Variants in CEP162 observed in about 807,000 individuals in gnomAD.
CEP162 encodes the protein centrosomal protein of 162 kDa.
Under a neutral mutation model 169.2 loss-of-function variants are expected in CEP162, and 141 were observed. That is an observed-to-expected ratio of 0.83 (90% CI 0.73 to 0.96). The LOEUF (loss-of-function observed/expected upper bound fraction) is 0.96. CEP162 is among the 40% of genes least tolerant of loss of function. The pLI, the probability that CEP162 is intolerant of heterozygous loss-of-function variation, is 0.00. For synonymous variants in CEP162, 540 were observed against 526.4 expected (o/e 1.03, Z -0.35); for missense variants, 1,600 against 1,587.2 (o/e 1.01, Z -0.14).
chr6:84,161,957 T>C (rs1386928985), intron 19 of CEP162, 48 bp from the exon 20 acceptor site: 2 of 1,170,414 alleles, frequency 1.7e-6, no homozygotes, highest in South Asian at 2.9e-5. Flanking sequence ...CTCCAAAATA[T>C]GGAAATAAAC....
rs577874673 is a variant in CEP162, at chr6:84,211,051, C to T, written c.571+1906G>A. On this transcript the variant is annotated intron_variant, in intron 6 of 26. Transcript: ENST00000403245. ...AAAAAATTACTAGACTTCTAAGAGG[C>T]AGGAAAAAGTGTCACGAAACTAAAT... is the stretch of plus-strand genomic sequence containing the variant. 3.3e-5 allele frequency among the ~76,000 whole-genome samples: 5 copies of T among 151,702 alleles called. No individual in the cohort carries two copies. In the East Asian group the frequency reaches 9.7e-4, roughly 29 times the overall value.
At chr6:84,140,487 C>A (rs1313603393) in intron 25 of CEP162, among the ~76,000 whole-genome samples, 1 of 152,008 alleles carries the variant, frequency 6.6e-6, no homozygotes, top group East Asian at 1.9e-4. Context: ...TTTGAGGAAG[C>A]CTCCGGCAAC....
intron 11 of CEP162, among the ~76,000 whole-genome samples, chr6:84,187,859 T>C (rs116207498): frequency 0.022 from 3,335 of 152,244 alleles, 124 homozygotes; most frequent in African/African-American, 0.076. Context: ...TTTAACAAGA[T>C]ATTACCAAAA....
At chr6:84,154,132 G>A (rs868571280) in intron 22 of CEP162, among the ~76,000 whole-genome samples, 2 of 152,108 alleles carry the variant, frequency 1.3e-5, no homozygotes, top group African/African-American at 2.4e-5. Context: ...AGTAAGCAAA[G>A]GCAGGAGTGG....
chr6:84,187,128 A>G lies in CEP162; in HGVS notation c.1110-505T>C, dbSNP rs561646841. ...ATATATTTAATCACAGTATAGGAAA[A>G]ATTTTAATGTAAAACAGAAAAATCA... is the stretch of plus-strand genomic sequence containing the variant. On this transcript the variant is annotated intron_variant, in intron 11 of 26. Coordinates refer to ENST00000403245, the MANE Select transcript of CEP162 (RefSeq NM_014895.4). Among the ~76,000 whole-genome samples, 4 of 152,310 alleles carry G rather than the reference A, an allele frequency of 2.6e-5. No homozygotes were observed. In the East Asian group the frequency reaches 7.7e-4, roughly 29 times the overall value.
At chr6:84,170,896 A>T (rs1397966081) in intron 17 of CEP162, among the ~76,000 whole-genome samples, 1 of 152,154 alleles carries the variant, frequency 6.6e-6, no homozygotes, top group Non-Finnish European at 1.5e-5. Context: ...TGCTGGCTGA[A>T]AACAACTTAC....
intron 25 of CEP162, among the ~76,000 whole-genome samples, chr6:84,138,959 T>C (rs1434624783): frequency 6.6e-6 from 1 of 152,228 alleles, no homozygotes; most frequent in Admixed American, 6.5e-5. Context: ...TGTTTTTACA[T>C]TGATCTTTTC....
intron 3 of CEP162, among the ~76,000 whole-genome samples, chr6:84,217,044 C>T (rs2099551842): frequency 1.3e-5 from 2 of 151,926 alleles, no homozygotes; most frequent in Non-Finnish European, 2.9e-5. Context: ...ATTGTTAGTG[C>T]CAGCTATACA....
At chr6:84,133,479 C>A (rs1395431960) in intron 25 of CEP162, among the ~76,000 whole-genome samples, 1 of 152,190 alleles carries the variant, frequency 6.6e-6, no homozygotes. Context: ...TAGAGGCAGG[C>A]AGGCTGGCCT....
rs1262200894 is a variant in CEP162, at chr6:84,155,365, A to G, written c.2927T>C (p.Leu976Pro). The part of the protein sequence containing the change: ...EKRIKKLEAD[L>P]EGKDEDAKKS... ...CTTTGCATCTTCATCTTTGCCCTCC[A>G]GATCAGCTTCTAGCTTTTTTATCCT... is the stretch of plus-strand genomic sequence containing the variant. The change falls in exon 22 of 27, where the codon CTG becomes CCG. Residue 976 changes from leucine (L) to proline (P), a missense_variant. Leu to Pro is a moderately conservative substitution (Grantham distance 98). Transcript: ENST00000403245. 2 of 1,613,712 alleles carry G rather than the reference A, an allele frequency of 1.2e-6. No homozygotes were observed. Among genetic ancestry groups the G allele is most frequent in the East Asian group, 2.2e-5 (1 of 44,848 alleles).
intron 8 of CEP162, among the ~76,000 whole-genome samples, chr6:84,201,451 G>A (rs2099544479): frequency 6.6e-6 from 1 of 151,786 alleles, no homozygotes; most frequent in Admixed American, 6.6e-5. Context: ...TTCTTCCGAT[G>A]TAGAAGACAG....
At position 84,221,054 on chromosome 6, in the gene CEP162, T is replaced by G. The variant is rs1466377837; in HGVS notation, c.172+3A>C. The G allele has an allele frequency of 1.3e-6, 2 of 1,488,994 alleles. No homozygotes were observed. The highest frequency in any genetic ancestry group is 1.9e-6 in the Non-Finnish European group (2 of 1,069,422). 92.2% of individuals were successfully genotyped at this position (1,488,994 alleles called of 1,614,324 possible). A position where few individuals can be genotyped will look rare whatever the true frequency, so the allele number is the denominator to read the frequency against. Reference sequence around the variant, plus strand: ...TTTGAAACTAAAAATCAGCAACATTTACCATCATCTTTAAAATCATCTTCA... The same window carrying G: ...TTTGAAACTAAAAATCAGCAACATTGACCATCATCTTTAAAATCATCTTCA... On this transcript the variant is annotated splice_donor_region_variant and intron_variant, in intron 3 of 26. Coordinates refer to ENST00000403245, the MANE Select transcript of CEP162 (RefSeq NM_014895.4).
chr6:84,169,909 T>C (rs1482548784), intron 17 of CEP162, among the ~76,000 whole-genome samples: 4 of 152,180 alleles, frequency 2.6e-5, no homozygotes, highest in African/African-American at 7.2e-5. Context: ...AGAAGGAGTT[T>C]TGGATTCCAC....
At chr6:84,203,822 A>G (rs1179938214) in intron 7 of CEP162, among the ~76,000 whole-genome samples, 159 bp downstream of exon 7, 1 of 152,128 alleles carries the variant, frequency 6.6e-6, no homozygotes, top group Non-Finnish European at 1.5e-5. Context: ...TAATATCTTG[A>G]GTTAAGAAAA....
At position 84,222,825 on chromosome 6, in the gene CEP162, C is replaced by T. The variant is rs116810254; in HGVS notation, c.58-1654G>A. ...ACTTGCCAAACAAAAAACTCTACCTCAGTGACTTGAAGAATGTCAATTTAA... is the reference window on the plus strand; with the variant it reads ...ACTTGCCAAACAAAAAACTCTACCTTAGTGACTTGAAGAATGTCAATTTAA... On this transcript the variant is annotated intron_variant, in intron 2 of 26. Transcript: ENST00000403245. Among the ~76,000 whole-genome samples, 525 of 152,350 alleles carry T rather than the reference C, an allele frequency of 3.4e-3. 3 individuals carry two copies. The highest frequency in any genetic ancestry group is 0.012 in the African/African-American group (483 of 41,578).
chr6:84,204,901 G>A (rs978113440), intron 6 of CEP162, among the ~76,000 whole-genome samples: 5 of 152,194 alleles, frequency 3.3e-5, no homozygotes, highest in East Asian at 1.9e-4. Context: ...TATCACCACC[G>A]ATCCCACAGA....
At chr6:84,193,540 G>C (rs754689753) in intron 11 of CEP162, 69 bp downstream of exon 11, 1 of 875,348 alleles carries the variant, frequency 1.1e-6, no homozygotes, top group Non-Finnish European at 1.8e-6. Context: ...TCATTCACTA[G>C]GAATGATTAC....
intron 24 of CEP162, among the ~76,000 whole-genome samples, chr6:84,148,416 C>A (rs1311589943): frequency 1.3e-5 from 2 of 152,040 alleles, no homozygotes; most frequent in African/African-American, 4.8e-5. Context: ...GTAATCCCAG[C>A]TACTTGGAAG....
chr6:84,161,739 CTA>C lies in CEP162; in HGVS notation c.2676+5_2676+6del. On this transcript the variant is annotated splice_donor_5th_base_variant and intron_variant, in intron 20 of 26. Transcript: ENST00000403245. ...AGAGAAGAAATACATTCTGAAATAT[CTA>C]TTACCTCAAGTTTGAGCTTCTCAAT... is the stretch of plus-strand genomic sequence containing the variant. 1 of 1,569,858 alleles carries C rather than the reference CTA, an allele frequency of 6.4e-7. No individual in the cohort carries two copies. Among genetic ancestry groups the C allele is most frequent in the South Asian group, 1.2e-5 (1 of 85,046 alleles).
Sources: gnomAD v4.1 joint callset for allele counts (sites outside exome capture counted in the v4.1 genomes callset) on GRCh38, gnomAD v4.1.1 for gene constraint, MANE v1.5 for transcripts, NCBI Gene and HGNC (gene_info 2026-07-23, HGNC 2026-07-21) for gene names.